The following SLC4A8 variants were observed in gnomAD, a reference collection of about 807,000 sequenced individuals.
SLC4A8 encodes the protein electroneutral sodium bicarbonate exchanger 1.
Under a neutral mutation model 125.0 loss-of-function variants are expected in SLC4A8, and 40 were observed. The ratio of observed to expected loss-of-function variants is 0.32; its 90% CI spans 0.25 to 0.42. The LOEUF (loss-of-function observed/expected upper bound fraction) is 0.42. Ranked by LOEUF, SLC4A8 falls within the 10% of genes least tolerant of loss-of-function variation. The probability of loss-of-function intolerance (pLI) is 1.00; values close to 1 mark genes in which losing one functional copy is unlikely to be tolerated. For missense variants in SLC4A8, 863 were observed against 1,355.1 expected, an observed-to-expected ratio of 0.64 and a Z score of 5.70; for synonymous variants, 456 against 476.0, an observed-to-expected ratio of 0.96 and a Z score of 0.55.
chr12:51,413,997 T>C (rs1327568713), intron 1 of SLC4A8, among the ~76,000 whole-genome samples: 2 of 152,214 alleles, frequency 1.3e-5, no homozygotes, highest in African/African-American at 4.8e-5. Flanking sequence ...ATTGAATCTG[T>C]ATATTGTTTT....
In SLC4A8 at chr12:51,424,895, G is replaced by A. The variant is rs2138025327; in HGVS notation, c.-93G>A. The A allele has an allele frequency of 1.5e-6, 2 of 1,342,766 alleles. No homozygotes were observed. Among genetic ancestry groups the A allele is most frequent in the Non-Finnish European group, 2.1e-6 (2 of 972,424 alleles). The allele number at this position is 1,342,766 out of a possible 1,614,324, so 83.2% of individuals were successfully genotyped here. A position where few individuals can be genotyped will look rare whatever the true frequency, so the allele number is the denominator to read the frequency against. On this transcript the variant is annotated 5_prime_UTR_variant, in exon 1 of 25. Transcript: ENST00000453097. Reference sequence around the variant, plus strand: ...GACCGTTGGCTCCGGGGTGGGGGTCGCCGTTCGAGTGATCTGCTCAGACCC... The same window carrying A: ...GACCGTTGGCTCCGGGGTGGGGGTCACCGTTCGAGTGATCTGCTCAGACCC...
intron 7 of SLC4A8, among the ~76,000 whole-genome samples, chr12:51,459,169 C>G (rs988908121): frequency 6.6e-6 from 1 of 152,194 alleles, no homozygotes; most frequent in African/African-American, 2.4e-5. Flanking sequence ...TCTGGTCTAT[C>G]TTTGACACTG....
chr12:51,448,764 TG>T (rs1418291816), intron 2 of SLC4A8, among the ~76,000 whole-genome samples: 4 of 151,628 alleles, frequency 2.6e-5, no homozygotes, highest in Non-Finnish European at 4.4e-5. Flanking sequence ...GGTGAATGAG[TG>T]GTGTGGTGTC....
chr12:51,458,681 G>A lies in SLC4A8; in HGVS notation c.855+31G>A, dbSNP rs200090942. 128 of 1,459,122 alleles carry A rather than the reference G, an allele frequency of 8.8e-5. No individual in the cohort carries two copies. In the African/African-American group the frequency reaches 1.5e-3, roughly 17 times the overall value. 90.4% of individuals were successfully genotyped at this position (1,459,122 alleles called of 1,614,324 possible). ...CAGAGTGGTGGGAAGTTGGCTTCAA[G>A]GCCTAAGGTTCCTTTTAGTGGAATC... On this transcript the variant is annotated intron_variant, in intron 7 of 24. Coordinates refer to ENST00000453097, the MANE Select transcript of SLC4A8 (RefSeq NM_001039960.3).
chr12:51,433,379 G>A (rs570651541), intron 1 of SLC4A8, among the ~76,000 whole-genome samples: 6 of 152,304 alleles, frequency 3.9e-5, no homozygotes, highest in Non-Finnish European at 1.5e-5. Flanking sequence ...AGGATACTCA[G>A]AAATAGGGCT....
intron 1 of SLC4A8, among the ~76,000 whole-genome samples, chr12:51,405,481 T>A (rs1311554938): frequency 1.3e-5 from 2 of 152,156 alleles, no homozygotes; most frequent in Admixed American, 6.5e-5. Flanking sequence ...GCACCCAAAT[T>A]CCCCAGTGGG....
In SLC4A8 at chr12:51,510,365, AG is replaced by A. The variant is rs1938323299; in HGVS notation, c.*2928del. The A allele has an allele frequency of 2.7e-5, 4 of 146,752 alleles. No individual in the cohort carries two copies. Among genetic ancestry groups the A allele is most frequent in the Admixed American group, 1.4e-4 (2 of 14,358 alleles). 9.1% of individuals were successfully genotyped at this position (146,752 alleles called of 1,614,324 possible). A position where few individuals can be genotyped will look rare whatever the true frequency, so the allele number is the denominator to read the frequency against. ...CGTGAACGCGGGAGGCAGAGCTTGC[AG>A]TGAGCCGAGATCATGCCACTGCACT... On this transcript the variant is annotated 3_prime_UTR_variant, in exon 25 of 25. Coordinates refer to ENST00000453097, the MANE Select transcript of SLC4A8 (RefSeq NM_001039960.3).
chr12:51,418,593 T>C (rs568514185), intron 1 of SLC4A8, among the ~76,000 whole-genome samples: 1 of 152,328 alleles, frequency 6.6e-6, no homozygotes, highest in East Asian at 1.9e-4. Context: ...TTCTGTTGGT[T>C]TGTAGAAAGG....
chr12:51,505,205 TAGA>T (rs1478240678), intron 23 of SLC4A8, among the ~76,000 whole-genome samples: 2 of 152,220 alleles, frequency 1.3e-5, no homozygotes, highest in Admixed American at 1.3e-4. Flanking sequence ...CTTGGCATTT[TAGA>T]AGGAGATAAT....
chr12:51,508,746 C>A lies in SLC4A8; in HGVS notation c.*1308C>A, dbSNP rs1169703211. On this transcript the variant is annotated 3_prime_UTR_variant, in exon 25 of 25. Coordinates refer to ENST00000453097, the MANE Select transcript of SLC4A8 (RefSeq NM_001039960.3). ...GTATTTGGGATCCAGTGCTTATAAA[C>A]CTTTCCTTCCTTTGTGCACAGAATG... The A allele has an allele frequency of 6.6e-6, 1 of 152,118 alleles. No homozygotes were observed. The highest frequency in any genetic ancestry group is 1.5e-5 in the Non-Finnish European group (1 of 68,024). The allele number at this position is 152,118 out of a possible 1,614,324, so 9.4% of individuals were successfully genotyped here. A position where few individuals can be genotyped will look rare whatever the true frequency, so the allele number is the denominator to read the frequency against.
chr12:51,402,720 CT>C (rs1948415446), intron 1 of SLC4A8, among the ~76,000 whole-genome samples: 1 of 152,142 alleles, frequency 6.6e-6, no homozygotes, highest in African/African-American at 2.4e-5. Flanking sequence ...GAAACTCCAT[CT>C]CAAAAAATAA....
At chr12:51,440,645 C>G in intron 1 of SLC4A8, 63 bp from the exon 2 acceptor site, 8 of 1,289,472 alleles carry the variant, frequency 6.2e-6, no homozygotes, top group East Asian at 2.4e-5. Flanking sequence ...CTGGCATACA[C>G]AAGGTTTGTA....
At chr12:51,485,954 G>A in intron 17 of SLC4A8, 54 bp downstream of exon 17, 1 of 1,048,244 alleles carries the variant, frequency 9.5e-7, no homozygotes, top group Non-Finnish European at 1.5e-6. Context: ...ACATTCTGAT[G>A]CCAAGTAAAT....
At chr12:51,429,646 A>G (rs1019766607) in intron 1 of SLC4A8, among the ~76,000 whole-genome samples, 10 of 152,012 alleles carry the variant, frequency 6.6e-5, no homozygotes, top group Non-Finnish European at 1.5e-4. Context: ...GGAACTACAG[A>G]CATGAACCAC....
chr12:51,401,284 C>T (rs996604907), intron 1 of SLC4A8, among the ~76,000 whole-genome samples: 2 of 152,066 alleles, frequency 1.3e-5, no homozygotes, highest in African/African-American at 2.4e-5. Context: ...TTCTGTATCC[C>T]GGGTTCTTGC....
chr12:51,417,540 CGAA>C (rs1239199686), intron 1 of SLC4A8, among the ~76,000 whole-genome samples: 15 of 137,966 alleles, frequency 1.1e-4, no homozygotes, highest in Non-Finnish European at 1.5e-5. Context: ...TTTTTTGAGA[CGAA>C]GTCTCACACT....
At chr12:51,424,042 A>C (rs867754305), upstream of SLC4A8, among the ~76,000 whole-genome samples, 15 of 46,320 alleles carry the variant, frequency 3.2e-4, 1 homozygote, top group South Asian at 1.5e-3. Context: ...GTCTCCAAAA[A>C]AAAAAAAAAA....
intron 14 of SLC4A8, among the ~76,000 whole-genome samples, chr12:51,473,156 A>G (rs899339374): frequency 1.3e-5 from 2 of 152,236 alleles, no homozygotes; most frequent in African/African-American, 4.8e-5. Flanking sequence ...CCATTATAAT[A>G]TCATACAGAA....
intron 2 of SLC4A8, chr12:51,441,305 C>A: frequency 3.1e-6 from 2 of 637,454 alleles, no homozygotes; most frequent in Non-Finnish European, 3.9e-6. Context: ...CTGTGACATA[C>A]TCTTGAGTTC....
Sources: allele counts gnomAD v4.1 joint callset (sites outside exome capture counted in the v4.1 genomes callset), GRCh38; gene constraint gnomAD v4.1.1; transcripts MANE v1.5; gene names NCBI Gene and HGNC (gene_info 2026-07-23, HGNC 2026-07-21).